GALNT13: variants seen among roughly 807,000 people sequenced by gnomAD.
The protein encoded by GALNT13 is polypeptide N-acetylgalactosaminyltransferase 13.
Under a neutral mutation model 64.2 loss-of-function variants are expected in GALNT13, and 28 were observed. The ratio of observed to expected loss-of-function variants is 0.44; its 90% CI spans 0.32 to 0.60. The LOEUF (loss-of-function observed/expected upper bound fraction) is 0.60. Among genes scored for constraint, GALNT13 ranks in the 20% least tolerant of loss-of-function variants. The pLI, the probability that GALNT13 is intolerant of heterozygous loss-of-function variation, is 0.05. For missense variants in GALNT13, 577 were observed against 669.8 expected (o/e 0.86, Z 1.53); for synonymous variants, 214 against 224.6 (o/e 0.95, Z 0.42).
At chr2:153,193,925 T>A in the GALNT13 span, among the ~76,000 whole-genome samples, 1 of 152,212 alleles carries the variant, frequency 6.6e-6, no homozygotes, top group African/African-American at 2.4e-5. Flanking sequence ...ATTATGCCAT[T>A]TTTTTTCTGG....
the GALNT13 span, among the ~76,000 whole-genome samples, chr2:153,153,212 GTGTTCA>G: frequency 6.6e-6 from 1 of 151,820 alleles, no homozygotes; most frequent in Non-Finnish European, 1.5e-5. Flanking sequence ...CTTTTGAAAA[GTGTTCA>G]TGTCCTTTGC....
intron 8 of GALNT13, among the ~76,000 whole-genome samples, chr2:154,298,720 TTATATTA>T (rs1320194270): frequency 6.8e-5 from 6 of 88,074 alleles, no homozygotes; most frequent in South Asian, 3.5e-4. Context: ...TATATATAAA[TTATATTA>T]TTTATATATA....
At chr2:154,206,037 A>G (rs1310411053) in intron 4 of GALNT13, among the ~76,000 whole-genome samples, 2 of 151,832 alleles carry the variant, frequency 1.3e-5, no homozygotes, top group Non-Finnish European at 2.9e-5. Flanking sequence ...TGGCTCTGTC[A>G]CCCAGGTGGG....
At chr2:153,758,547 A>G in the GALNT13 span, among the ~76,000 whole-genome samples, 1 of 152,076 alleles carries the variant, frequency 6.6e-6, no homozygotes, top group Non-Finnish European at 1.5e-5. Flanking sequence ...ATTTCGGTAG[A>G]ATTTTCATCA....
intron 9 of GALNT13, among the ~76,000 whole-genome samples, chr2:154,349,257 A>T (rs1696250389): frequency 6.6e-6 from 1 of 152,214 alleles, no homozygotes; most frequent in African/African-American, 2.4e-5. Flanking sequence ...GGGATATGTC[A>T]TTAGATTTAC....
intron 9 of GALNT13, among the ~76,000 whole-genome samples, chr2:154,366,382 A>C (rs1049931340): frequency 6.6e-6 from 1 of 152,192 alleles, no homozygotes; most frequent in Non-Finnish European, 1.5e-5. Context: ...CTCGCTATAT[A>C]TGTAATTAAC....
the GALNT13 span, among the ~76,000 whole-genome samples, chr2:153,267,182 G>A: frequency 1.3e-5 from 2 of 152,340 alleles, no homozygotes; most frequent in African/African-American, 4.8e-5. Context: ...ACCTTGGGGA[G>A]CTTTGCACCT....
chr2:153,350,485 C>T, the GALNT13 span, among the ~76,000 whole-genome samples: 19 of 149,758 alleles, frequency 1.3e-4, no homozygotes, highest in African/African-American at 4.7e-4. Context: ...CGGGTTCAAG[C>T]GATTCTCCTA....
chr2:154,302,637 A>G (rs1356487889), intron 9 of GALNT13, among the ~76,000 whole-genome samples: 1 of 152,198 alleles, frequency 6.6e-6, no homozygotes, highest in Non-Finnish European at 1.5e-5. Flanking sequence ...ACATGTGCCC[A>G]AGATGGTTGG....
the GALNT13 span, among the ~76,000 whole-genome samples, chr2:153,305,758 C>A: frequency 7.2e-5 from 11 of 152,082 alleles, no homozygotes; most frequent in Non-Finnish European, 1.5e-5. Context: ...GTTGAGCATT[C>A]CGTTTACCCC....
intron 11 of GALNT13, among the ~76,000 whole-genome samples, chr2:154,428,339 G>A (rs1004807557): frequency 2.0e-5 from 3 of 152,106 alleles, no homozygotes; most frequent in Non-Finnish European, 4.4e-5. Flanking sequence ...GGCAAAATTC[G>A]ATATATATCA....
At chr2:153,398,737 G>C in the GALNT13 span, among the ~76,000 whole-genome samples, 1 of 148,624 alleles carries the variant, frequency 6.7e-6, no homozygotes, top group Non-Finnish European at 1.5e-5. Flanking sequence ...AGAAGTGTCT[G>C]TTCATGTCCT....
At chr2:153,653,239 T>C in the GALNT13 span, among the ~76,000 whole-genome samples, 1 of 152,218 alleles carries the variant, frequency 6.6e-6, no homozygotes, top group East Asian at 1.9e-4. Context: ...GAAGCAGAAT[T>C]GGATAGAAGA....
the GALNT13 span, among the ~76,000 whole-genome samples, chr2:153,722,725 A>G: frequency 5.9e-5 from 9 of 152,348 alleles, no homozygotes; most frequent in Middle Eastern, 3.4e-3. Context: ...ACATTCCTTG[A>G]CACATACACT....
chr2:153,498,221 C>A, the GALNT13 span, among the ~76,000 whole-genome samples: 156 of 152,326 alleles, frequency 1.0e-3, 1 homozygote, highest in Non-Finnish European at 1.4e-3. Context: ...TTTAAAAAAT[C>A]TTTCAAACGT....
chr2:153,921,790 A>G (rs2105337750), intron 2 of GALNT13, among the ~76,000 whole-genome samples: 1 of 152,280 alleles, frequency 6.6e-6, no homozygotes, highest in Middle Eastern at 3.4e-3. Context: ...AACAATTGAC[A>G]CATGGACAAA....
chr2:153,257,499 G>A, the GALNT13 span, among the ~76,000 whole-genome samples: 3 of 152,004 alleles, frequency 2.0e-5, no homozygotes, highest in South Asian at 6.2e-4. Flanking sequence ...CTTAAATGCA[G>A]GTTTCTGATT....
At chr2:153,491,237 C>T in the GALNT13 span, among the ~76,000 whole-genome samples, 1 of 151,592 alleles carries the variant, frequency 6.6e-6, no homozygotes, top group Non-Finnish European at 1.5e-5. Context: ...AATCATTTCA[C>T]AATAGAATAA....
chr2:154,184,379 C>T (rs1686135888), intron 4 of GALNT13, among the ~76,000 whole-genome samples: 2 of 151,972 alleles, frequency 1.3e-5, no homozygotes, highest in African/African-American at 4.8e-5. Flanking sequence ...AATTTAACTT[C>T]TTTATACTTG....
Sources: allele counts gnomAD v4.1 joint callset (sites outside exome capture counted in the v4.1 genomes callset), GRCh38; gene constraint gnomAD v4.1.1; transcripts MANE v1.5; gene names NCBI Gene and HGNC (gene_info 2026-07-23, HGNC 2026-07-21).